SNAP91: variants seen among roughly 807,000 people sequenced by gnomAD.
SNAP91 encodes the protein clathrin coat assembly protein AP180.
Under a neutral mutation model 100.3 loss-of-function variants are expected in SNAP91, and 27 were observed. The ratio of observed to expected loss-of-function variants is 0.27; its 90% CI spans 0.20 to 0.37. SNAP91 has a LOEUF of 0.37. Among genes scored for constraint, SNAP91 ranks in the 10% least tolerant of loss-of-function variants. SNAP91 has a pLI of 1.00. For missense variants in SNAP91, 986 were observed against 1,123.7 expected (o/e 0.88, Z 1.75); for synonymous variants, 404 against 398.6 (o/e 1.01, Z -0.16).
intron 26 of SNAP91, among the ~76,000 whole-genome samples, chr6:83,573,416 A>C (rs1480075698): frequency 6.6e-6 from 1 of 152,192 alleles, no homozygotes; most frequent in Non-Finnish European, 1.5e-5. Flanking sequence ...CCATCAAGCT[A>C]CCAATGACTT....
In SNAP91 at chr6:83,699,482, T is replaced by A. The variant is rs558426047; in HGVS notation, c.130+8316A>T. 2.0e-5 allele frequency among the ~76,000 whole-genome samples: 3 copies of A among 151,996 alleles called. No individual in the cohort carries two copies. The South Asian group carries it at 6.3e-4, about 32-fold the overall frequency. On this transcript the variant is annotated intron_variant, in intron 2 of 29. Transcript: ENST00000369694. ...AACTAGAAGGTATCTGAAAAACAAATCATGCTGAACAGAAAAGAAAGCATT... is the reference window on the plus strand; with the variant it reads ...AACTAGAAGGTATCTGAAAAACAAAACATGCTGAACAGAAAAGAAAGCATT...
intron 12 of SNAP91, 125 bp from the exon 13 acceptor site, chr6:83,607,933 G>GA (rs992521765): frequency 1.8e-3 from 727 of 408,948 alleles, no homozygotes; most frequent in South Asian, 2.7e-3. Flanking sequence ...CTTTGTGGAG[G>GA]AAAAAAAAAC....
At chr6:83,614,969 G>T in intron 10 of SNAP91, 107 bp from the exon 11 acceptor site, 1 of 840,992 alleles carries the variant, frequency 1.2e-6, no homozygotes, top group Non-Finnish European at 1.8e-6. Context: ...TTCAAATGTG[G>T]TTTTAGCCAA....
chr6:83,604,207 G>T (rs192378075), intron 14 of SNAP91, among the ~76,000 whole-genome samples: 1 of 151,626 alleles, frequency 6.6e-6, no homozygotes, highest in East Asian at 1.9e-4. Flanking sequence ...TAAATTATTA[G>T]CAAATTAAAA....
chr6:83,693,347 A>C lies in SNAP91; in HGVS notation c.130+14451T>G, dbSNP rs552734108. On this transcript the variant is annotated intron_variant, in intron 2 of 29. Coordinates refer to ENST00000369694, the MANE Select transcript of SNAP91 (RefSeq NM_001242792.2). ...GGGCCAGGCACAGTAAGTGCTCCAC[A>C]CATCGGCCTCTCCTTCACTCTAAAG... is the stretch of plus-strand genomic sequence containing the variant. 4.6e-5 allele frequency among the ~76,000 whole-genome samples: 7 copies of C among 152,292 alleles called. No individual in the cohort carries two copies. In the South Asian group the frequency reaches 6.2e-4, roughly 14 times the overall value.
intron 7 of SNAP91, among the ~76,000 whole-genome samples, chr6:83,646,442 T>G (rs1334025699): frequency 5.3e-5 from 8 of 152,226 alleles, no homozygotes; most frequent in Non-Finnish European, 7.3e-5. Context: ...TTTTGGTGTA[T>G]GCACGTCCAG....
chr6:83,558,237 A>G (rs919729354), intron 28 of SNAP91, among the ~76,000 whole-genome samples: 1 of 152,222 alleles, frequency 6.6e-6, no homozygotes, highest in Non-Finnish European at 1.5e-5. Flanking sequence ...GCATAATAAC[A>G]GAAATATTTC....
At chr6:83,586,978 A>G (rs2128160446) in intron 22 of SNAP91, among the ~76,000 whole-genome samples, 1 of 152,316 alleles carries the variant, frequency 6.6e-6, no homozygotes, top group Non-Finnish European at 1.5e-5. Flanking sequence ...CAATATTTCA[A>G]GTGCTGTTTA....
At chr6:83,605,333 G>T (rs1262965551) in intron 14 of SNAP91, among the ~76,000 whole-genome samples, 1 of 151,818 alleles carries the variant, frequency 6.6e-6, no homozygotes, top group African/African-American at 2.4e-5. Flanking sequence ...TAAATTAAGG[G>T]GAATACTCAA....
intron 2 of SNAP91, chr6:83,690,220 T>TA: frequency 1.0e-6 from 1 of 979,554 alleles, no homozygotes; most frequent in South Asian, 2.9e-5. Context: ...AGGGAATACT[T>TA]ACTAATACTA....
chr6:83,615,126 T>C (rs1402580444), intron 10 of SNAP91, among the ~76,000 whole-genome samples: 1 of 152,196 alleles, frequency 6.6e-6, no homozygotes, highest in East Asian at 1.9e-4. Context: ...GCTATTTTTT[T>C]TTCCAAAAAT....
chr6:83,644,144 A>G (rs1202789026), intron 7 of SNAP91, among the ~76,000 whole-genome samples: 1 of 152,194 alleles, frequency 6.6e-6, no homozygotes, highest in Non-Finnish European at 1.5e-5. Context: ...CAATAATACA[A>G]AAAGAAAAAT....
At chr6:83,654,008 C>T (rs1305368587) in intron 7 of SNAP91, among the ~76,000 whole-genome samples, 4 of 152,110 alleles carry the variant, frequency 2.6e-5, no homozygotes, top group Non-Finnish European at 5.9e-5. Context: ...AAAATGGTTC[C>T]TTTTCTCCTC....
upstream of SNAP91, chr6:83,709,143 G>C (rs967365931): frequency 6.6e-6 from 1 of 152,298 alleles, no homozygotes; most frequent in Non-Finnish European, 1.5e-5. Context: ...CTCCTCCGAC[G>C]AGTCAGGTGA....
chr6:83,645,348 A>G (rs1585354826), intron 7 of SNAP91, among the ~76,000 whole-genome samples: 1 of 152,176 alleles, frequency 6.6e-6, no homozygotes, highest in East Asian at 1.9e-4. Flanking sequence ...CTGATCCTAA[A>G]CACGCACAGC....
chr6:83,633,659 G>A (rs2097302384), intron 8 of SNAP91, among the ~76,000 whole-genome samples: 1 of 152,028 alleles, frequency 6.6e-6, no homozygotes, highest in Non-Finnish European at 1.5e-5. Context: ...GGAAGTGGGG[G>A]AAAGCCGACA....
At chr6:83,665,614 T>C (rs1444290318) in intron 2 of SNAP91, 33 bp from the exon 3 acceptor site, 2 of 1,586,172 alleles carry the variant, frequency 1.3e-6, no homozygotes, top group South Asian at 2.2e-5. Flanking sequence ...TCAATGATAT[T>C]AACAATTACA....
intron 26 of SNAP91, among the ~76,000 whole-genome samples, chr6:83,568,476 TATAATAATAATAATAATA>T (rs56267925): frequency 1.4e-5 from 2 of 147,476 alleles, no homozygotes; most frequent in South Asian, 2.2e-4. Flanking sequence ...CACATTAAAG[TATAATAATAATAATAATA>T]ATAATAATAA....
chr6:83,708,253 C>T (rs1445609681), intron 1 of SNAP91: 2 of 281,674 alleles, frequency 7.1e-6, no homozygotes, highest in South Asian at 6.9e-5. Context: ...CTGGGGACCC[C>T]CCTGTCAATC....
Sources: gnomAD v4.1 joint callset for allele counts (sites outside exome capture counted in the v4.1 genomes callset) on GRCh38, gnomAD v4.1.1 for gene constraint, MANE v1.5 for transcripts, NCBI Gene and HGNC (gene_info 2026-07-23, HGNC 2026-07-21) for gene names.